Variants in CBFA2T2 observed in about 807,000 individuals in gnomAD.
The protein encoded by CBFA2T2 is CBFA2/RUNX1 partner transcriptional co-repressor 2.
CBFA2T2 carries 11 observed loss-of-function variants against 62.2 expected under a neutral mutation model. The observed-to-expected ratio is 0.18, with a 90% CI of 0.11 to 0.29. CBFA2T2 has a LOEUF of 0.29. CBFA2T2 is among the 10% of genes least tolerant of loss of function. The pLI, the probability that CBFA2T2 is intolerant of heterozygous loss-of-function variation, is 1.00. For missense variants in CBFA2T2, 592 were observed against 774.1 expected (o/e 0.76, Z 2.79); for synonymous variants, 295 against 287.5 (o/e 1.03, Z -0.27).
At chr20:33,567,397 C>G (rs1411723254) in intron 1 of CBFA2T2, among the ~76,000 whole-genome samples, 1 of 152,142 alleles carries the variant, frequency 6.6e-6, no homozygotes, top group African/African-American at 2.4e-5. Context: ...GGAGTGTGTA[C>G]AGTAGTCTCC....
intron 1 of CBFA2T2, among the ~76,000 whole-genome samples, chr20:33,494,274 T>TATATATATATATATA (rs1267232226): frequency 1.1e-4 from 3 of 26,366 alleles, no homozygotes; most frequent in Admixed American, 5.5e-4. Context: ...TATATATATA[T>TATATATATATATATA]TTTTTTTTTT....
At chr20:33,586,424 G>T (rs547951359) in intron 1 of CBFA2T2, among the ~76,000 whole-genome samples, 1 of 151,996 alleles carries the variant, frequency 6.6e-6, no homozygotes, top group Non-Finnish European at 1.5e-5. Flanking sequence ...GTGAGCCACC[G>T]CGCCCAGCCT....
At chr20:33,565,698 C>T (rs1193146864) in intron 1 of CBFA2T2, among the ~76,000 whole-genome samples, 4 of 152,082 alleles carry the variant, frequency 2.6e-5, no homozygotes, top group Non-Finnish European at 5.9e-5. Context: ...TGGAGAAAAT[C>T]ATGATTCTTT....
At chr20:33,588,962 A>G (rs2014496271) in intron 1 of CBFA2T2, among the ~76,000 whole-genome samples, 1 of 152,086 alleles carries the variant, frequency 6.6e-6, no homozygotes, top group African/African-American at 2.4e-5. Flanking sequence ...ATAAAAATAA[A>G]AACAAGAAGC....
At chr20:33,563,968 A>G (rs1159249294) in intron 1 of CBFA2T2, among the ~76,000 whole-genome samples, 1 of 152,148 alleles carries the variant, frequency 6.6e-6, no homozygotes, top group Non-Finnish European at 1.5e-5. Flanking sequence ...TGAAAAAGTC[A>G]ACAAGCAGGA....
intron 1 of CBFA2T2, among the ~76,000 whole-genome samples, chr20:33,544,143 T>G (rs2012474644): frequency 6.6e-6 from 1 of 152,220 alleles, no homozygotes. Context: ...GACTCCCATT[T>G]TACTGAAAGA....
intron 1 of CBFA2T2, 57 bp from the exon 2 acceptor site, chr20:33,606,899 G>A: frequency 6.4e-7 from 1 of 1,563,658 alleles, no homozygotes; most frequent in South Asian, 1.1e-5. Flanking sequence ...TCAAATTGTT[G>A]TCTGTTTTTG....
Position 33,585,262 on chromosome 20 carries a change from A to G in CBFA2T2, c.35-21694A>G, listed in dbSNP as rs549112674. Among the ~76,000 whole-genome samples, 14 of 152,318 alleles carry G rather than the reference A, an allele frequency of 9.2e-5. No individual in the cohort carries two copies. The South Asian group carries it at 2.9e-3, about 32-fold the overall frequency. ...ATTTAGTCAAAAAGCAAATGAAAAT[A>G]TTTTATAAGCAATGTTTCAAAATGA... On this transcript the variant is annotated intron_variant, in intron 1 of 10. Coordinates refer to ENST00000342704, the MANE Select transcript of CBFA2T2 (RefSeq NM_001032999.3).
intron 1 of CBFA2T2, among the ~76,000 whole-genome samples, chr20:33,535,389 A>T (rs2146872835): frequency 6.6e-6 from 1 of 151,046 alleles, no homozygotes; most frequent in African/African-American, 2.4e-5. Context: ...GTTGGGGTTC[A>T]GTAGCAGTAG....
At chr20:33,573,512 C>T (rs889097647) in intron 1 of CBFA2T2, among the ~76,000 whole-genome samples, 5 of 151,460 alleles carry the variant, frequency 3.3e-5, no homozygotes, top group East Asian at 3.9e-4. Flanking sequence ...GATGGAGTCT[C>T]GCTCTATCGC....
intron 1 of CBFA2T2, among the ~76,000 whole-genome samples, chr20:33,509,939 T>A (rs896711772): frequency 6.6e-6 from 1 of 152,034 alleles, no homozygotes; most frequent in African/African-American, 2.4e-5. Flanking sequence ...TCATTTACAT[T>A]AGGTATTTCT....
At position 33,570,241 on chromosome 20, in the gene CBFA2T2, A is replaced by G. The variant is rs140911566; in HGVS notation, c.35-36715A>G. Among the ~76,000 whole-genome samples, 736 of 152,334 alleles carry G rather than the reference A, an allele frequency of 4.8e-3. 8 individuals are homozygous for G. The highest frequency in any genetic ancestry group is 0.016 in the African/African-American group (679 of 41,576). ...GTTTGCAGGGAGCCGAGATCATGCC[A>G]CTGCACTCCAGCCTGGGTGACAAGA... is the stretch of plus-strand genomic sequence containing the variant. On this transcript the variant is annotated intron_variant, in intron 1 of 10. Coordinates refer to ENST00000342704, the MANE Select transcript of CBFA2T2 (RefSeq NM_001032999.3).
At chr20:33,510,657 G>A (rs541751232) in intron 1 of CBFA2T2, among the ~76,000 whole-genome samples, 1 of 152,244 alleles carries the variant, frequency 6.6e-6, no homozygotes, top group Admixed American at 6.5e-5. Context: ...GCCCAGTAAT[G>A]GGATCGCTGG....
At chr20:33,526,950 G>A (rs1468884491) in intron 1 of CBFA2T2, among the ~76,000 whole-genome samples, 1 of 151,902 alleles carries the variant, frequency 6.6e-6, no homozygotes, top group East Asian at 1.9e-4. Context: ...GATGGTCTAA[G>A]CAGATCTCTA....
At chr20:33,559,358 G>C (rs2013016923) in intron 1 of CBFA2T2, among the ~76,000 whole-genome samples, 1 of 151,854 alleles carries the variant, frequency 6.6e-6, no homozygotes, top group Non-Finnish European at 1.5e-5. Flanking sequence ...ATTTTTAGTA[G>C]AGAGAGAGTT....
Position 33,617,845 on chromosome 20 carries a change from C to T in CBFA2T2, c.421-1672C>T, listed in dbSNP as rs576323061. On this transcript the variant is annotated intron_variant, in intron 3 of 10. Coordinates refer to ENST00000342704, the MANE Select transcript of CBFA2T2 (RefSeq NM_001032999.3). The stretch of plus-strand genomic sequence containing the variant: ...TGTTTAAATTGGACATACCCCTTTT[C>T]CCTGAAGGAAAATGTCTTAATGTTT... Among the ~76,000 whole-genome samples, 10 of 152,214 alleles carry T rather than the reference C, an allele frequency of 6.6e-5. No individual in the cohort carries two copies. In the South Asian group the frequency reaches 2.1e-3, roughly 32 times the overall value.
intron 3 of CBFA2T2, among the ~76,000 whole-genome samples, chr20:33,617,373 A>G (rs1272308563): frequency 1.3e-5 from 2 of 152,230 alleles, no homozygotes; most frequent in Admixed American, 6.5e-5. Context: ...AGGGGAAGAA[A>G]CAAACAATTA....
At chr20:33,637,097 C>T (rs2016659607) in intron 9 of CBFA2T2, among the ~76,000 whole-genome samples, 1 of 152,200 alleles carries the variant, frequency 6.6e-6, no homozygotes, top group Non-Finnish European at 1.5e-5. Context: ...CTGCTCTGGG[C>T]ACAGCTCTGT....
chr20:33,522,044 G>A (rs2146862482), intron 1 of CBFA2T2, among the ~76,000 whole-genome samples: 1 of 152,050 alleles, frequency 6.6e-6, no homozygotes, highest in South Asian at 2.1e-4. Flanking sequence ...AGCAAAAAGA[G>A]CCTTTAGTTA....
Sources: gnomAD v4.1 joint callset for allele counts (sites outside exome capture counted in the v4.1 genomes callset) on GRCh38, gnomAD v4.1.1 for gene constraint, MANE v1.5 for transcripts, NCBI Gene and HGNC (gene_info 2026-07-23, HGNC 2026-07-21) for gene names.